Variants in SIRPA observed in about 807,000 individuals in gnomAD.
SIRPA encodes the protein signal regulatory protein alpha.
SIRPA carries 9 observed loss-of-function variants against 50.3 expected under a neutral mutation model. That is an observed-to-expected ratio of 0.18 (90% CI 0.11 to 0.31). The LOEUF (loss-of-function observed/expected upper bound fraction) is 0.31. SIRPA is among the 10% of genes least tolerant of loss of function. The pLI is 1.00. For synonymous variants in SIRPA, 265 were observed against 284.1 expected (o/e 0.93, Z 0.68); for missense variants, 474 against 661.6 (o/e 0.72, Z 3.11).
intron 1 of SIRPA, among the ~76,000 whole-genome samples, chr20:1,906,867 G>A (rs1984581492): frequency 6.6e-6 from 1 of 152,192 alleles, no homozygotes; most frequent in African/African-American, 2.4e-5. Flanking sequence ...TAACAGATGG[G>A]TTGTGGAACA....
At position 1,898,689 on chromosome 20, in the gene SIRPA, A is replaced by T. The variant is rs1409988788; in HGVS notation, c.79+3163A>T. Among the ~76,000 whole-genome samples the T allele has an allele frequency of 6.6e-6, 1 of 152,012 alleles. No homozygotes were observed. Among genetic ancestry groups the T allele is most frequent in the African/African-American group, 2.4e-5 (1 of 41,390 alleles). ...GACTTAATCAGGATGATTTAGTCCA[A>T]GCTGGAGAGGGAGTGAGAGAGGCCC... On this transcript the variant is annotated intron_variant, in intron 1 of 7. Transcript: ENST00000358771. This position sits in a 1 kb window ranked among gnomAD's most constrained non-coding sequence, Gnocchi z 4.3.
intron 7 of SIRPA, among the ~76,000 whole-genome samples, chr20:1,935,854 C>T (rs1040135522): frequency 6.6e-6 from 1 of 152,156 alleles, no homozygotes; most frequent in Non-Finnish European, 1.5e-5. Context: ...GGGAGTTGCA[C>T]GCTGTCAACA....
At chr20:1,912,723 A>G (rs1451936721) in intron 1 of SIRPA, among the ~76,000 whole-genome samples, 1 of 152,234 alleles carries the variant, frequency 6.6e-6, no homozygotes, top group Admixed American at 6.5e-5. Context: ...ACCCCACTTC[A>G]TGGATGATGG....
intron 1 of SIRPA, among the ~76,000 whole-genome samples, chr20:1,913,881 C>T (rs1012498414): frequency 6.6e-6 from 1 of 152,192 alleles, no homozygotes; most frequent in African/African-American, 2.4e-5. Flanking sequence ...GGGCTCCCCC[C>T]GTGCACCCCA....
chr20:1,908,164 T>A (rs1379771961), intron 1 of SIRPA, among the ~76,000 whole-genome samples: 1 of 152,130 alleles, frequency 6.6e-6, no homozygotes, highest in African/African-American at 2.4e-5. Flanking sequence ...CCCTTGTGCT[T>A]GTGGAAACTT....
At chr20:1,906,509 A>G (rs1984558647) in intron 1 of SIRPA, among the ~76,000 whole-genome samples, 1 of 152,168 alleles carries the variant, frequency 6.6e-6, no homozygotes, top group South Asian at 2.1e-4. Flanking sequence ...CGAGCCAGAC[A>G]TGTAGATATT....
rs769080531 is a variant in SIRPA at position 1,937,093 on chromosome 20, G to A, written c.1267-227G>A. ...GGGCTGTGAGGAGACTGCACTGTGC[G>A]GGTCAGAAAGACCCTTCAGGCAGGG... On this transcript the variant is annotated intron_variant, in intron 7 of 7. Coordinates refer to ENST00000358771, the MANE Select transcript of SIRPA (RefSeq NM_001040023.2). The surrounding 1 kb of genome is among the most constrained non-coding windows in gnomAD (Gnocchi z 8.3). 1.2e-4 allele frequency among the ~76,000 whole-genome samples: 19 copies of A among 152,224 alleles called. No individual in the cohort carries two copies. The highest frequency in any genetic ancestry group is 1.9e-4 in the East Asian group (1 of 5,166).
chr20:1,918,206 C>CT (rs11475492), intron 2 of SIRPA, among the ~76,000 whole-genome samples: 5 of 150,694 alleles, frequency 3.3e-5, no homozygotes, highest in Non-Finnish European at 5.9e-5. Context: ...TTTGTTTTTT[C>CT]TTTTTTTTTG....
chr20:1,894,960 G>A (rs949647768), upstream of SIRPA, among the ~76,000 whole-genome samples: 1 of 147,370 alleles, frequency 6.8e-6, no homozygotes, highest in African/African-American at 2.4e-5. This position sits in a 1 kb window ranked among gnomAD's most constrained non-coding sequence, Gnocchi z 4.0. Flanking sequence ...GAGCCCGGGC[G>A]GGGCAGGTGG....
chr20:1,913,777 G>A (rs1985047392), intron 1 of SIRPA, among the ~76,000 whole-genome samples: 1 of 152,034 alleles, frequency 6.6e-6, no homozygotes, highest in Admixed American at 6.6e-5. Context: ...CAGAATCGAG[G>A]CCCTGGCTCT....
At chr20:1,910,289 C>A (rs1172415491) in intron 1 of SIRPA, among the ~76,000 whole-genome samples, 1 of 152,168 alleles carries the variant, frequency 6.6e-6, no homozygotes, top group Non-Finnish European at 1.5e-5. Context: ...ATGGTGACCA[C>A]CCACTGTGCT....
chr20:1,896,842 A>T (rs986434652), intron 1 of SIRPA, among the ~76,000 whole-genome samples: 2 of 137,320 alleles, frequency 1.5e-5, no homozygotes, highest in African/African-American at 5.4e-5. Flanking sequence ...TGAAGGGAGC[A>T]CTGATACAGT....
Position 1,927,723 on chromosome 20 carries a change from G to A in SIRPA, c.1202-152G>A. 3 of 711,322 alleles carry A rather than the reference G, an allele frequency of 4.2e-6. No individual in the cohort carries two copies. The highest frequency in any genetic ancestry group is 1.6e-5 in the South Asian group (1 of 63,292). The allele number at this position is 711,322 out of a possible 1,614,324, so 44.1% of individuals were successfully genotyped here. A position where few individuals can be genotyped will look rare whatever the true frequency, so the allele number is the denominator to read the frequency against. Reference sequence around the variant, plus strand: ...TCCTTGGTGGAAGAGGATGCCCACTGGGTGGGCATGGGGGTCTCCTGTGGT... The same window carrying A: ...TCCTTGGTGGAAGAGGATGCCCACTAGGTGGGCATGGGGGTCTCCTGTGGT... On this transcript the variant is annotated intron_variant, in intron 5 of 7. Transcript: ENST00000358771. This position sits in a 1 kb window ranked among gnomAD's most constrained non-coding sequence, Gnocchi z 6.5.
chr20:1,903,028 A>AAAAAAAAAG (rs1984325731), intron 1 of SIRPA, among the ~76,000 whole-genome samples: 3 of 119,276 alleles, frequency 2.5e-5, no homozygotes, highest in African/African-American at 1.1e-4. Context: ...AAAAAAAAAA[A>AAAAAAAAAG]AAAAGAAAAG....
At chr20:1,903,740 T>C (rs1290574823) in intron 1 of SIRPA, among the ~76,000 whole-genome samples, 1 of 152,186 alleles carries the variant, frequency 6.6e-6, no homozygotes, top group African/African-American at 2.4e-5. Context: ...TCACTTCCTT[T>C]GGGTCTCAGC....
intron 1 of SIRPA, among the ~76,000 whole-genome samples, chr20:1,899,373 G>A (rs952527658): frequency 3.9e-5 from 6 of 152,096 alleles, no homozygotes; most frequent in Non-Finnish European, 7.4e-5. Flanking sequence ...TCAGCCACAC[G>A]AGCACCCCAA....
At chr20:1,913,332 C>T (rs1273711979) in intron 1 of SIRPA, among the ~76,000 whole-genome samples, 1 of 152,192 alleles carries the variant, frequency 6.6e-6, no homozygotes. Context: ...GCAGATAGCC[C>T]TGGGCTTCCT....
At position 1,933,408 on chromosome 20, in the gene SIRPA, C is replaced by CG. The variant is rs1986400757; in HGVS notation, c.1227-1307_1227-1306insG. On this transcript the variant is annotated intron_variant, in intron 6 of 7. Coordinates refer to ENST00000358771, the MANE Select transcript of SIRPA (RefSeq NM_001040023.2). This position sits in a 1 kb window ranked among gnomAD's most constrained non-coding sequence, Gnocchi z 4.4. The stretch of plus-strand genomic sequence containing the variant: ...TACATAACATCAAATGCCACCCCCC[C>CG]CCCGAAATATCTGGTGGGCAGATGA... 1.4e-5 allele frequency among the ~76,000 whole-genome samples: 2 copies of CG among 138,362 alleles called. No individual in the cohort carries two copies. Among genetic ancestry groups the CG allele is most frequent in the African/African-American group, 5.2e-5 (2 of 38,188 alleles). 90.8% of individuals were successfully genotyped at this position (138,362 alleles called of 152,430 possible).
At position 1,937,325 on chromosome 20, in the gene SIRPA, A is replaced by C. The variant is rs754625144; in HGVS notation, c.1272A>C (p.Thr424=). The C allele has an allele frequency of 1.2e-6, 2 of 1,612,384 alleles. No individual in the cohort carries two copies. The highest frequency in any genetic ancestry group is 2.2e-5 in the South Asian group (2 of 91,040). ...EKNAREITQD[T]NDITYADLNL... ...TTTGGGTATCTTAAATCCAGGACAC[A>C]AATGATATCACATATGCAGACCTGA... The change falls in exon 8 of 8, where the codon ACA becomes ACC. Residue 424 remains threonine, a synonymous_variant. Coordinates refer to ENST00000358771, the MANE Select transcript of SIRPA (RefSeq NM_001040023.2). This position sits in a 1 kb window ranked among gnomAD's most constrained non-coding sequence, Gnocchi z 8.3.
Sources: allele counts gnomAD v4.1 joint callset (sites outside exome capture counted in the v4.1 genomes callset), GRCh38; gene constraint gnomAD v4.1.1; non-coding constraint Gnocchi (gnomAD v3.1); transcripts MANE v1.5; gene names NCBI Gene and HGNC (gene_info 2026-07-23, HGNC 2026-07-21).